MLC1: variants seen among roughly 807,000 people sequenced by gnomAD.
MLC1 encodes modulator of VRAC current 1, also known as membrane protein MLC1.
MLC1 carries 32 observed loss-of-function variants against 44.7 expected under a neutral mutation model. The ratio of observed to expected loss-of-function variants is 0.72; its 90% CI spans 0.54 to 0.96. The LOEUF (loss-of-function observed/expected upper bound fraction) is 0.96. Among genes scored for constraint, MLC1 ranks in the 40% least tolerant of loss-of-function variants. The pLI, the probability that MLC1 is intolerant of heterozygous loss-of-function variation, is 0.00. For synonymous variants in MLC1, 190 were observed against 213.0 expected, an observed-to-expected ratio of 0.89 and a Z score of 0.94; for missense variants, 459 against 492.2, an observed-to-expected ratio of 0.93 and a Z score of 0.64.
At chr22:50,074,158 G>C in intron 8 of MLC1, 58 bp downstream of exon 8, 1 of 1,423,548 alleles carries the variant, frequency 7.0e-7, no homozygotes, top group African/African-American at 1.4e-5. Flanking sequence ...GCCCAGCCAC[G>C]CAGGATCTGA....
intron 11 of MLC1, 133 bp downstream of exon 11, chr22:50,063,896 ACCTCC>A: frequency 1.3e-6 from 1 of 761,848 alleles, no homozygotes; most frequent in Non-Finnish European, 1.8e-6. Flanking sequence ...CAGGCCACTC[ACCTCC>A]CCGGCTGGGC....
At chr22:50,074,412 ACC>A (rs2061931150) in intron 7 of MLC1, 80 bp from the exon 8 acceptor site, 2 of 1,270,798 alleles carry the variant, frequency 1.6e-6, no homozygotes, top group Non-Finnish European at 2.3e-6. Flanking sequence ...GCAGACATGG[ACC>A]CCCAGGAGCA....
At chr22:50,068,407 G>T in intron 10 of MLC1, 26 bp downstream of exon 10, 1 of 1,611,600 alleles carries the variant, frequency 6.2e-7, no homozygotes, top group Non-Finnish European at 8.5e-7. Context: ...CATGTCTGGG[G>T]GGCTCTGAAA....
intron 1 of MLC1, 28 bp downstream of exon 1, chr22:50,085,327 C>A: frequency 1.8e-6 from 1 of 541,052 alleles, no homozygotes; most frequent in South Asian, 2.9e-5. Context: ...CATGCCTCTA[C>A]TCAACGGCTT....
At chr22:50,062,740 C>G (rs1049953690) in intron 11 of MLC1, among the ~76,000 whole-genome samples, 2 of 152,240 alleles carry the variant, frequency 1.3e-5, no homozygotes, top group Non-Finnish European at 2.9e-5. Context: ...CTCAGAGCCC[C>G]GCTGAGTGGC....
At position 50,077,424 on chromosome 22, in the gene MLC1, C is replaced by T. The variant is rs753096633; in HGVS notation, c.502G>A (p.Glu168Lys). Residue 168 changes from glutamate (E) to lysine (K), a missense_variant, in exon 6 of 12, where the codon GAG becomes AAG. By Grantham distance (56) the Glu-to-Lys change is moderately conservative (BLOSUM62 1). Coordinates refer to ENST00000311597, the MANE Select transcript of MLC1 (RefSeq NM_015166.4). The part of the protein sequence containing the change: ...ATVIIAARSS[E>K]EDCKKKKGSM... ...ACCTTCTTTTTCTTGCAGTCCTCCT[C>T]GCTGGACCGTGCAGCGATGATCACC... 5.0e-6 allele frequency: 8 copies of T among 1,613,802 alleles called. No homozygotes were observed. The highest frequency in any genetic ancestry group is 2.7e-5 in the African/African-American group (2 of 74,944).
At chr22:50,067,978 A>G (rs915311968) in intron 10 of MLC1, among the ~76,000 whole-genome samples, 11 of 151,926 alleles carry the variant, frequency 7.2e-5, no homozygotes, top group African/African-American at 2.7e-4. Flanking sequence ...AAACAAAAAA[A>G]CACTAGGTAT....
At chr22:50,068,385 C>G (rs772753520) in intron 10 of MLC1, 48 bp downstream of exon 10, 2 of 1,606,612 alleles carry the variant, frequency 1.2e-6, no homozygotes, top group South Asian at 1.1e-5. Flanking sequence ...CAGGCCAACA[C>G]GCAGAGCACC....
intron 7 of MLC1, 44 bp downstream of exon 7, chr22:50,076,797 C>A: frequency 6.3e-7 from 1 of 1,595,918 alleles, no homozygotes; most frequent in African/African-American, 1.3e-5. Context: ...CAGTCACCCC[C>A]GACAGAGTAT....
rs762464094 is a variant in MLC1, at chr22:50,070,509, G to C, written c.771+18C>G. 1 of 1,554,564 alleles carries C rather than the reference G, an allele frequency of 6.4e-7. No homozygotes were observed. On this transcript the variant is annotated intron_variant, in intron 9 of 11. Transcript: ENST00000311597. Reference sequence around the variant, plus strand: ...GCTCGGTGGGTCCCTGGCACCCAGGGCTGAGGGGTTCACCCACCAGACACT... The same window carrying C: ...GCTCGGTGGGTCCCTGGCACCCAGGCCTGAGGGGTTCACCCACCAGACACT...
chr22:50,064,987 C>T (rs1447889474), intron 10 of MLC1, among the ~76,000 whole-genome samples: 2 of 152,172 alleles, frequency 1.3e-5, no homozygotes, highest in Non-Finnish European at 2.9e-5. Flanking sequence ...TGCAGTGGCG[C>T]GATCTCGGCT....
rs550255591 is a variant in MLC1, at chr22:50,061,769, C to T, written c.1060-112G>A. 3.8e-5 allele frequency: 38 copies of T among 1,000,386 alleles called. 1 individual carries two copies. The Middle Eastern group carries it at 1.2e-3, about 32-fold the overall frequency. The allele number at this position is 1,000,386 out of a possible 1,614,324, so 62.0% of individuals were successfully genotyped here. On this transcript the variant is annotated intron_variant, in intron 11 of 11. Coordinates refer to ENST00000311597, the MANE Select transcript of MLC1 (RefSeq NM_015166.4). ...GCAGCCAGCGTTCAGAAGTTTTCTT[C>T]GAATGTGAAGGAAGTGGGGAAACTA...
chr22:50,064,754 A>G (rs991769201), intron 10 of MLC1, among the ~76,000 whole-genome samples: 2 of 152,154 alleles, frequency 1.3e-5, no homozygotes, highest in African/African-American at 4.8e-5. Context: ...GCAGGGGGCC[A>G]GAGAGTGACC....
intron 9 of MLC1, among the ~76,000 whole-genome samples, chr22:50,069,211 TAG>T (rs1234454722): frequency 6.7e-6 from 1 of 149,866 alleles, no homozygotes; most frequent in Non-Finnish European, 1.5e-5. Flanking sequence ...GTATTTTTAG[TAG>T]AGACAGGGTT....
At chr22:50,085,195 C>G in intron 1 of MLC1, 160 bp downstream of exon 1, 1 of 1,289,500 alleles carries the variant, frequency 7.8e-7, no homozygotes, top group East Asian at 3.8e-5. Flanking sequence ...ATTGATCCAT[C>G]TGGGCCCTCC....
At chr22:50,071,115 C>CT (rs11414043) in intron 8 of MLC1, among the ~76,000 whole-genome samples, 25,349 of 146,784 alleles carry the variant, frequency 0.17, 2,260 homozygotes, top group South Asian at 0.27. Context: ...TCTTCTTCTC[C>CT]TTTTTTTTTT....
At chr22:50,078,567 C>T (rs2062039337) in intron 5 of MLC1, among the ~76,000 whole-genome samples, 1 of 151,164 alleles carries the variant, frequency 6.6e-6, no homozygotes, top group Non-Finnish European at 1.5e-5. Context: ...GGTGAAACCC[C>T]TTGTCTACTA....
rs1057408976 is a variant in MLC1 at position 50,074,318 on chromosome 22, G to A, written c.612C>T (p.Ile204=). Residue 204 remains isoleucine (I), a synonymous_variant, in exon 8 of 12, where the codon ATC becomes ATT. Transcript: ENST00000311597. ...VLKSYSVVEV[I]AGISAVLGGI... ...CCCCGAGGACGGCAGAGATGCCTGC[G>A]ATTACCTCGACGACCTGGAGGGGAC... 6 of 1,614,004 alleles carry A rather than the reference G, an allele frequency of 3.7e-6. No individual in the cohort carries two copies. The highest frequency in any genetic ancestry group is 5.1e-6 in the Non-Finnish European group (6 of 1,179,946).
intron 7 of MLC1, 21 bp from the exon 8 acceptor site, chr22:50,074,353 T>A: frequency 6.3e-7 from 1 of 1,595,318 alleles, no homozygotes. Context: ...CAGGACAGCA[T>A]CGGCTCATAA....
Sources: gnomAD v4.1 joint callset for allele counts (sites outside exome capture counted in the v4.1 genomes callset) on GRCh38, gnomAD v4.1.1 for gene constraint, MANE v1.5 for transcripts, NCBI Gene and HGNC (gene_info 2026-07-23, HGNC 2026-07-21) for gene names.